CEP128: variants seen among roughly 807,000 people sequenced by gnomAD.
CEP128 encodes centrosomal protein 128, also known as centrosomal protein 128kDa.
A neutral mutation model predicts 156.7 loss-of-function variants in CEP128; 132 were observed. That is an observed-to-expected ratio of 0.84 (90% CI 0.73 to 0.97). The LOEUF (loss-of-function observed/expected upper bound fraction) is 0.97. CEP128 is among the 50% of genes least tolerant of loss of function. The pLI is 0.00. For synonymous variants in CEP128, 469 were observed against 448.9 expected (o/e 1.04, Z -0.57); for missense variants, 1,252 against 1,281.9 (o/e 0.98, Z 0.36).
chr14:80,699,540 T>C (rs946518303), intron 19 of CEP128, among the ~76,000 whole-genome samples: 12 of 152,180 alleles, frequency 7.9e-5, no homozygotes, highest in African/African-American at 2.7e-4. Context: ...ATTATTGACA[T>C]TGTAACTTCA....
intron 23 of CEP128, among the ~76,000 whole-genome samples, chr14:80,506,332 ACT>A (rs888829402): frequency 3.2e-5 from 3 of 93,438 alleles, no homozygotes; most frequent in African/African-American, 9.8e-5. Flanking sequence ...AGGATTTGAA[ACT>A]CTTTTTTTTT....
At chr14:80,826,924 G>A (rs1050248701) in intron 13 of CEP128, among the ~76,000 whole-genome samples, 3 of 152,030 alleles carry the variant, frequency 2.0e-5, no homozygotes, top group African/African-American at 7.2e-5. Context: ...AGGTTAATGA[G>A]GTTCAACTTG....
At chr14:80,722,513 C>T (rs527542024) in intron 19 of CEP128, among the ~76,000 whole-genome samples, 32 of 151,264 alleles carry the variant, frequency 2.1e-4, no homozygotes, top group South Asian at 6.3e-4. Context: ...ATATTACAGA[C>T]GCACACATAT....
chr14:80,504,998 C>T lies in CEP128; in HGVS notation c.3095G>A (p.Gly1032Asp), dbSNP rs1887906270. The part of the protein sequence containing the change: ...SFKGDRTFLE[G>D]SHTRGLDHSS... ...GTGATCTAACCCACGAGTGTGGGAA[C>T]CTTCCAGAAAGGTTCTGTCACCCTA... Residue 1032 changes from glycine to aspartate, a missense_variant, in exon 24 of 25, where the codon GGT becomes GAT. Coordinates refer to ENST00000555265, the MANE Select transcript of CEP128 (RefSeq NM_152446.5). 7 of 1,597,462 alleles carry T rather than the reference C, an allele frequency of 4.4e-6. No individual in the cohort carries two copies. Among genetic ancestry groups the T allele is most frequent in the Non-Finnish European group, 6.0e-6 (7 of 1,170,702 alleles).
At chr14:80,659,864 TCA>T (rs1895325047) in intron 19 of CEP128, among the ~76,000 whole-genome samples, 1 of 152,144 alleles carries the variant, frequency 6.6e-6, no homozygotes, top group Non-Finnish European at 1.5e-5. Context: ...TTACAATTTC[TCA>T]ATTATCATGA....
rs1888031991 is a variant in CEP128 at position 80,871,606 on chromosome 14, A to G, written c.646-8733T>C. 2.6e-5 allele frequency among the ~76,000 whole-genome samples: 4 copies of G among 152,130 alleles called. No homozygotes were observed. In the South Asian group the frequency reaches 8.3e-4, roughly 31 times the overall value. The stretch of plus-strand genomic sequence containing the variant: ...ATATTTATAGCTTTTGAGTGATGAC[A>G]TAATTCCTAATAATAAGAATTATTT... On this transcript the variant is annotated intron_variant, in intron 8 of 24. Coordinates refer to ENST00000555265, the MANE Select transcript of CEP128 (RefSeq NM_152446.5).
At chr14:80,640,283 C>G (rs1447684452) in intron 19 of CEP128, among the ~76,000 whole-genome samples, 3 of 152,132 alleles carry the variant, frequency 2.0e-5, no homozygotes, top group African/African-American at 7.2e-5. Flanking sequence ...AATCCATCAT[C>G]ATTATTGCTA....
chr14:80,600,300 A>T (rs1892526533), intron 19 of CEP128, among the ~76,000 whole-genome samples: 1 of 152,262 alleles, frequency 6.6e-6, no homozygotes, highest in African/African-American at 2.4e-5. Flanking sequence ...AACTTCAAAT[A>T]GGATAAATTC....
chr14:80,556,960 A>C (rs1482699396), intron 21 of CEP128, among the ~76,000 whole-genome samples: 1 of 152,232 alleles, frequency 6.6e-6, no homozygotes, highest in East Asian at 1.9e-4. Context: ...AAAGGACTTC[A>C]TAATATTTGA....
chr14:80,758,452 G>A (rs1432848790), intron 17 of CEP128, among the ~76,000 whole-genome samples: 1 of 151,762 alleles, frequency 6.6e-6, no homozygotes, highest in South Asian at 2.1e-4. Flanking sequence ...AACCCAGGAC[G>A]CGGAGGTTGC....
chr14:80,693,662 A>G (rs900186704), intron 19 of CEP128, among the ~76,000 whole-genome samples: 1 of 152,216 alleles, frequency 6.6e-6, no homozygotes, highest in African/African-American at 2.4e-5. Flanking sequence ...AAGTTATCTA[A>G]AAATAAAAAA....
At chr14:80,787,367 G>C (rs1901464864) in intron 14 of CEP128, among the ~76,000 whole-genome samples, 1 of 152,036 alleles carries the variant, frequency 6.6e-6, no homozygotes, top group Admixed American at 6.6e-5. Context: ...CTTGTTCCTT[G>C]GCTCATGGAC....
intron 19 of CEP128, among the ~76,000 whole-genome samples, chr14:80,713,008 T>C (rs1040027211): frequency 2.6e-5 from 4 of 152,106 alleles, no homozygotes; most frequent in Non-Finnish European, 5.9e-5. Flanking sequence ...AAACCAAAAG[T>C]TGAATCTAAT....
intron 19 of CEP128, among the ~76,000 whole-genome samples, chr14:80,719,271 A>T (rs1283072504): frequency 6.6e-6 from 1 of 152,192 alleles, no homozygotes; most frequent in Non-Finnish European, 1.5e-5. Flanking sequence ...ATGAGTATAA[A>T]TACAGTTGTC....
chr14:80,616,801 G>C (rs972456755), intron 19 of CEP128, among the ~76,000 whole-genome samples: 1 of 151,984 alleles, frequency 6.6e-6, no homozygotes, highest in African/African-American at 2.4e-5. Context: ...TATGACTACT[G>C]GTTTTGAATT....
intron 16 of CEP128, among the ~76,000 whole-genome samples, chr14:80,770,899 A>T (rs532836397): frequency 4.6e-5 from 7 of 152,310 alleles, no homozygotes; most frequent in Non-Finnish European, 7.4e-5. Flanking sequence ...AAAAATCTGA[A>T]GTCAGAAAAT....
intron 19 of CEP128, among the ~76,000 whole-genome samples, chr14:80,727,882 G>C (rs1034641247): frequency 3.3e-5 from 5 of 152,182 alleles, no homozygotes; most frequent in Admixed American, 6.5e-5. Context: ...CATGGTTGCA[G>C]AGAAAAGGGA....
intron 20 of CEP128, among the ~76,000 whole-genome samples, chr14:80,562,536 A>G (rs557287225): frequency 6.6e-6 from 1 of 152,104 alleles, no homozygotes; most frequent in African/African-American, 2.4e-5. Context: ...TTAAGTGGTT[A>G]TGGTTGACAC....
chr14:80,693,070 C>T (rs1036455672), intron 19 of CEP128, among the ~76,000 whole-genome samples: 1 of 152,160 alleles, frequency 6.6e-6, no homozygotes, highest in Non-Finnish European at 1.5e-5. Flanking sequence ...ATGCTACTGG[C>T]CCATGGACCA....
Sources: gnomAD v4.1 joint callset for allele counts (sites outside exome capture counted in the v4.1 genomes callset) on GRCh38, gnomAD v4.1.1 for gene constraint, MANE v1.5 for transcripts, NCBI Gene and HGNC (gene_info 2026-07-23, HGNC 2026-07-21) for gene names.